Variants in EYS observed in about 807,000 individuals in gnomAD.
EYS encodes EGF-like photoreceptor maintenance factor.
EYS carries 250 observed loss-of-function variants against 282.1 expected under a neutral mutation model. The observed-to-expected ratio is 0.89, with a 90% confidence interval of 0.80 to 0.98. The LOEUF (loss-of-function observed/expected upper bound fraction) is 0.98, where lower values mean the gene tolerates loss of function less well. Ranked by LOEUF, EYS falls within the 50% of genes least tolerant of loss-of-function variation. The pLI, the probability that EYS is intolerant of heterozygous loss-of-function variation, is 0.00. For missense variants in EYS, 4,016 were observed against 3,709.0 expected, an observed-to-expected ratio of 1.08 and a Z score of -2.15; for synonymous variants, 1,355 against 1,282.9, an observed-to-expected ratio of 1.06 and a Z score of -1.20.
intron 2 of EYS, among the ~76,000 whole-genome samples, chr6:65,564,067 G>T (rs75314268): frequency 1.3e-5 from 2 of 152,098 alleles, no homozygotes; most frequent in South Asian, 4.1e-4. Flanking sequence ...ACTTACAAGG[G>T]ATGTGAAGGA....
At chr6:65,663,567 T>C (rs1035695419) in intron 1 of EYS, among the ~76,000 whole-genome samples, 10 of 152,236 alleles carry the variant, frequency 6.6e-5, no homozygotes, top group Admixed American at 1.3e-4. Context: ...ATGGGTTCAT[T>C]GGCCAAAGTG....
At chr6:63,976,825 T>C (rs1318468092) in intron 35 of EYS, among the ~76,000 whole-genome samples, 1 of 152,002 alleles carries the variant, frequency 6.6e-6, no homozygotes, top group Non-Finnish European at 1.5e-5. Context: ...TTAGATTTTG[T>C]GGGGCCTGAA....
At chr6:64,393,876 G>A (rs1363271588) in intron 28 of EYS, among the ~76,000 whole-genome samples, 1 of 151,932 alleles carries the variant, frequency 6.6e-6, no homozygotes, top group Non-Finnish European at 1.5e-5. Flanking sequence ...TGTATATCTA[G>A]AAAACCCCAT....
chr6:65,140,737 A>G (rs1426990251), intron 12 of EYS, among the ~76,000 whole-genome samples: 1 of 152,164 alleles, frequency 6.6e-6, no homozygotes, highest in East Asian at 1.9e-4. Context: ...AGACACGTGA[A>G]AAAACGCTCA....
intron 31 of EYS, among the ~76,000 whole-genome samples, chr6:64,101,772 TATTA>T (rs1427836659): frequency 2.0e-5 from 3 of 152,052 alleles, no homozygotes; most frequent in South Asian, 4.1e-4. Flanking sequence ...TTTCTATTAT[TATTA>T]CATTGTGATG....
intron 28 of EYS, among the ~76,000 whole-genome samples, chr6:64,426,624 G>C (rs935608368): frequency 2.6e-5 from 4 of 152,030 alleles, no homozygotes; most frequent in African/African-American, 4.8e-5. Flanking sequence ...CTGAAGAAGA[G>C]AAGTCCTTGA....
intron 31 of EYS, among the ~76,000 whole-genome samples, chr6:64,125,935 T>C (rs1251531138): frequency 6.6e-6 from 1 of 151,548 alleles, no homozygotes; most frequent in Non-Finnish European, 1.5e-5. Context: ...TTTTTTATTA[T>C]ACTTTAAGTT....
intron 26 of EYS, among the ~76,000 whole-genome samples, chr6:64,546,452 T>C (rs543617089): frequency 0.013 from 1,984 of 152,264 alleles, 37 homozygotes; most frequent in African/African-American, 0.045. Flanking sequence ...ATTCAGGACA[T>C]AGGCATGGGC....
At chr6:65,370,688 T>C (rs913179500) in intron 8 of EYS, among the ~76,000 whole-genome samples, 10 of 151,896 alleles carry the variant, frequency 6.6e-5, no homozygotes, top group African/African-American at 9.7e-5. Context: ...GTAATCTGGC[T>C]TTCCAGGCTT....
In EYS at chr6:65,230,102, T is replaced by C. The variant is rs565100276; in HGVS notation, c.2023+65761A>G. Among the ~76,000 whole-genome samples, 9 of 152,012 alleles carry C rather than the reference T, an allele frequency of 5.9e-5. No individual in the cohort carries two copies. The South Asian group carries it at 8.3e-4, about 14-fold the overall frequency. ...ATTTATACAATAACCACTTGAGTAA[T>C]AAAGGGTAGAATCCATCACAGACAG... On this transcript the variant is annotated intron_variant, in intron 12 of 42. Coordinates refer to ENST00000503581, the MANE Select transcript of EYS (RefSeq NM_001142800.2).
chr6:64,975,119 G>A (rs577522272), intron 14 of EYS, among the ~76,000 whole-genome samples: 1 of 151,676 alleles, frequency 6.6e-6, no homozygotes, highest in East Asian at 1.9e-4. Flanking sequence ...AGATTGATTA[G>A]GTCAGGAGCT....
intron 42 of EYS, among the ~76,000 whole-genome samples, chr6:63,723,397 G>C (rs1242119315): frequency 1.3e-5 from 2 of 152,122 alleles, no homozygotes; most frequent in Admixed American, 1.3e-4. Flanking sequence ...ATACTTTGTG[G>C]CCTGCAAGTG....
intron 15 of EYS, among the ~76,000 whole-genome samples, chr6:64,943,599 A>C (rs1769173899): frequency 6.6e-6 from 1 of 152,114 alleles, no homozygotes; most frequent in African/African-American, 2.4e-5. Flanking sequence ...CACACACACC[A>C]AAAACAAAAA....
chr6:65,583,052 A>C (rs1234682367), intron 2 of EYS, among the ~76,000 whole-genome samples: 1 of 152,084 alleles, frequency 6.6e-6, no homozygotes, highest in East Asian at 1.9e-4. Flanking sequence ...TGCAATTTTA[A>C]AAGTTATTTT....
chr6:64,931,813 T>A (rs912190183), intron 15 of EYS, among the ~76,000 whole-genome samples: 1 of 152,120 alleles, frequency 6.6e-6, no homozygotes, highest in African/African-American at 2.4e-5. Flanking sequence ...GTAAACTTAC[T>A]TATCCCAATT....
intron 13 of EYS, among the ~76,000 whole-genome samples, chr6:65,014,492 G>A (rs1033993767): frequency 5.3e-5 from 8 of 152,144 alleles, no homozygotes; most frequent in African/African-American, 1.7e-4. Flanking sequence ...GGTGATATTT[G>A]GAGTGAGCCC....
chr6:64,622,043 G>A (rs952587219), intron 23 of EYS, among the ~76,000 whole-genome samples: 1 of 152,102 alleles, frequency 6.6e-6, no homozygotes, highest in Non-Finnish European at 1.5e-5. Context: ...CATTGGAAAT[G>A]AGCTCAAAAA....
intron 35 of EYS, among the ~76,000 whole-genome samples, chr6:63,878,250 C>A (rs923875408): frequency 6.6e-6 from 1 of 152,148 alleles, no homozygotes; most frequent in African/African-American, 2.4e-5. Flanking sequence ...CACTCCAGAC[C>A]CTGTTTTCCT....
chr6:64,317,182 C>T (rs1297751239), intron 29 of EYS, among the ~76,000 whole-genome samples: 1 of 152,024 alleles, frequency 6.6e-6, no homozygotes, highest in Non-Finnish European at 1.5e-5. Flanking sequence ...ACACCAAAAG[C>T]AATGGCAACA....
Sources: allele counts gnomAD v4.1 joint callset (sites outside exome capture counted in the v4.1 genomes callset), GRCh38; gene constraint gnomAD v4.1.1; transcripts MANE v1.5; gene names NCBI Gene and HGNC (gene_info 2026-07-23, HGNC 2026-07-21).